ARID1B: variants seen among roughly 807,000 people sequenced by gnomAD.
ARID1B encodes the protein AT-rich interactive domain-containing protein 1B.
ARID1B carries 30 observed loss-of-function variants against 212.3 expected under a neutral mutation model. The ratio of observed to expected loss-of-function variants is 0.14; its 90% CI spans 0.11 to 0.19. ARID1B has a LOEUF of 0.19. Among genes scored for constraint, ARID1B ranks in the 10% least tolerant of loss-of-function variants. The probability of loss-of-function intolerance (pLI) is 1.00; values close to 1 mark genes in which losing one functional copy is unlikely to be tolerated. For missense variants in ARID1B, 2,891 were observed against 3,204.0 expected, an observed-to-expected ratio of 0.90 and a Z score of 2.36; for synonymous variants, 1,402 against 1,301.7, an observed-to-expected ratio of 1.08 and a Z score of -1.66.
At chr6:156,812,039 T>C (rs1320984943) in intron 1 of ARID1B, among the ~76,000 whole-genome samples, 5 of 152,258 alleles carry the variant, frequency 3.3e-5, no homozygotes, top group Non-Finnish European at 5.9e-5. Context: ...GGTTGTGCTG[T>C]GTGTAAATCA....
rs148010727 is a variant in ARID1B, at chr6:157,030,566, G to T, written c.2248-54096G>T. 1.4e-4 allele frequency among the ~76,000 whole-genome samples: 21 copies of T among 152,328 alleles called. No homozygotes were observed. The East Asian group carries it at 4.0e-3, about 29-fold the overall frequency. ...CTCATTGCTTTGTAAATCCTCTGTG[G>T]AGGTATCCTCACTGAGTTAGAGAAC... On this transcript the variant is annotated intron_variant, in intron 4 of 19. Coordinates refer to ENST00000636930, the MANE Select transcript of ARID1B (RefSeq NM_001374828.1).
intron 4 of ARID1B, among the ~76,000 whole-genome samples, chr6:156,990,877 A>T (rs1778238131): frequency 6.6e-6 from 1 of 152,218 alleles, no homozygotes; most frequent in African/African-American, 2.4e-5. Flanking sequence ...AGTATCATAA[A>T]TGGCTTTTCA....
chr6:157,210,383 T>C lies in ARID1B; in HGVS notation c.*2492T>C, dbSNP rs1339319371. 4.3e-6 allele frequency: 1 copy of C among 230,064 alleles called. No homozygotes were observed. Among genetic ancestry groups the C allele is most frequent in the Non-Finnish European group, 8.6e-6 (1 of 116,248 alleles). 14.3% of individuals were successfully genotyped at this position (230,064 alleles called of 1,614,324 possible). The stretch of plus-strand genomic sequence containing the variant: ...TCCAGTATTCCAATTCCTTTGTCAA[T>C]CAGAAGAGTAAAATAATTAACAAAA... On this transcript the variant is annotated 3_prime_UTR_variant, in exon 20 of 20. Transcript: ENST00000636930.
intron 2 of ARID1B, among the ~76,000 whole-genome samples, chr6:156,849,128 T>C (rs1317965601): frequency 1.3e-5 from 2 of 152,226 alleles, no homozygotes; most frequent in East Asian, 3.8e-4. Context: ...GTGGCATTTT[T>C]CCTAAATTAT....
chr6:156,829,332 T>C lies in ARID1B; in HGVS notation c.1897T>C (p.Tyr633His), dbSNP rs747306459. 1.9e-6 allele frequency: 3 copies of C among 1,614,126 alleles called. No individual in the cohort carries two copies. Among genetic ancestry groups the C allele is most frequent in the Non-Finnish European group, 2.5e-6 (3 of 1,180,042 alleles). The change falls in exon 2 of 20, where the codon TAT becomes CAT. Residue 633 changes from tyrosine (Y) to histidine (H), a missense_variant. This residue lies in a region of ARID1B where 1,643 missense variants were observed against 1,544.0 expected (regional missense o/e 1.06). Transcript: ENST00000636930. ...GAGCAGTCCGTACCCAGGAGGTTCCTATGGCCCTCCAGGCCCACAGCGGTA... is the reference window on the plus strand; with the variant it reads ...GAGCAGTCCGTACCCAGGAGGTTCCCATGGCCCTCCAGGCCCACAGCGGTA... ...QQSSPYPGGS[Y>H]GPPGPQRYPI...
intron 2 of ARID1B, among the ~76,000 whole-genome samples, chr6:156,865,398 C>T (rs575266679): frequency 6.6e-6 from 1 of 152,292 alleles, no homozygotes; most frequent in South Asian, 2.1e-4. Context: ...AGCACTTGCT[C>T]AACTGTCTTA....
chr6:157,166,665 T>C (rs112578753), intron 8 of ARID1B: 1 of 158,742 alleles, frequency 6.3e-6, no homozygotes, highest in Non-Finnish European at 1.4e-5. Flanking sequence ...TTTGGGTTTT[T>C]ATGTGAGGTT....
intron 6 of ARID1B, among the ~76,000 whole-genome samples, chr6:157,119,163 A>G (rs1787530824): frequency 6.6e-6 from 1 of 152,094 alleles, no homozygotes. Flanking sequence ...ACTCTTCCCC[A>G]GTAGAGGTTC....
chr6:156,921,050 A>C (rs562150338), intron 3 of ARID1B, among the ~76,000 whole-genome samples: 22 of 152,132 alleles, frequency 1.4e-4, no homozygotes, highest in Non-Finnish European at 2.4e-4. Flanking sequence ...CCTGGACCCC[A>C]CTGTTTTACC....
chr6:156,944,893 A>G (rs1374708474), intron 4 of ARID1B, among the ~76,000 whole-genome samples: 1 of 151,190 alleles, frequency 6.6e-6, no homozygotes, highest in Non-Finnish European at 1.5e-5. Flanking sequence ...ATCCCCTGCA[A>G]GCTTTTTCTT....
chr6:157,055,375 G>A (rs559931591), intron 4 of ARID1B, among the ~76,000 whole-genome samples: 5 of 151,988 alleles, frequency 3.3e-5, no homozygotes, highest in South Asian at 4.2e-4. Flanking sequence ...AAATTCACCC[G>A]TAGAACTTGT....
intron 4 of ARID1B, among the ~76,000 whole-genome samples, chr6:157,039,743 C>CCCTTCCTTCCTTCCTT (rs71027322): frequency 2.2e-5 from 2 of 92,022 alleles, no homozygotes; most frequent in African/African-American, 5.0e-5. Flanking sequence ...CTCCCTCCCT[C>CCCTTCCTTCCTTCCTT]CCTTCCTTCC....
chr6:156,924,128 TTCCTGTATCTTA>T, intron 3 of ARID1B, among the ~76,000 whole-genome samples: 1 of 152,226 alleles, frequency 6.6e-6, no homozygotes, highest in Non-Finnish European at 1.5e-5. Flanking sequence ...AGAAGGTAGG[TTCCTGTATCTTA>T]GTAGCAGGTC....
chr6:156,932,773 G>T (rs1791853135), intron 3 of ARID1B, among the ~76,000 whole-genome samples: 2 of 152,180 alleles, frequency 1.3e-5, no homozygotes, highest in African/African-American at 2.4e-5. Flanking sequence ...GTTGTTGATT[G>T]TTCTAGGTTT....
At chr6:157,128,737 A>G (rs747651768) in intron 6 of ARID1B, among the ~76,000 whole-genome samples, 6 of 152,232 alleles carry the variant, frequency 3.9e-5, no homozygotes. Flanking sequence ...AAAAAGAGGC[A>G]AACGATATAA....
At chr6:157,047,530 G>A (rs1453368311) in intron 4 of ARID1B, among the ~76,000 whole-genome samples, 2 of 152,316 alleles carry the variant, frequency 1.3e-5, no homozygotes, top group East Asian at 3.9e-4. Context: ...AGAAATGTTT[G>A]CCCTGCCTTA....
chr6:156,952,821 G>A (rs1027731252), intron 4 of ARID1B, among the ~76,000 whole-genome samples: 9 of 152,206 alleles, frequency 5.9e-5, no homozygotes, highest in African/African-American at 2.2e-4. Context: ...TAATATTGTA[G>A]TAAAACTTAC....
In ARID1B at chr6:157,043,212, C is replaced by CTG. The variant is rs151165537; in HGVS notation, c.2248-41449_2248-41448dup. 6.5e-3 allele frequency among the ~76,000 whole-genome samples: 983 copies of CTG among 152,280 alleles called. 9 individuals carry two copies. Among genetic ancestry groups the CTG allele is most frequent in the Middle Eastern group, 0.02 (6 of 294 alleles). On this transcript the variant is annotated intron_variant, in intron 4 of 19. Coordinates refer to ENST00000636930, the MANE Select transcript of ARID1B (RefSeq NM_001374828.1). The stretch of plus-strand genomic sequence containing the variant: ...TCCCTTAAATATCCCATGCCCTTTG[C>CTG]TGCCCTTAGCTTCCCTCCAGCCTAG...
intron 2 of ARID1B, among the ~76,000 whole-genome samples, chr6:156,876,550 C>T (rs1254880534): frequency 6.6e-6 from 1 of 152,176 alleles, no homozygotes. Flanking sequence ...CCACCGTTTG[C>T]CCCCATAAAA....
Sources: allele counts gnomAD v4.1 joint callset (sites outside exome capture counted in the v4.1 genomes callset), GRCh38; gene constraint gnomAD v4.1.1; regional missense constraint gnomAD v4.1.1; transcripts MANE v1.5; gene names NCBI Gene and HGNC (gene_info 2026-07-23, HGNC 2026-07-21).